The following LZTR1 variants were observed in gnomAD, a reference collection of about 807,000 sequenced individuals.
The protein encoded by LZTR1 is leucine zipper like post translational regulator 1.
Under a neutral mutation model 105.7 loss-of-function variants are expected in LZTR1, and 260 were observed. The ratio of observed to expected loss-of-function variants is 2.46; its 90% CI spans 2.22 to 2.72. The LOEUF is 2.72. Ranked by LOEUF, LZTR1 falls within the 30% of genes most tolerant of loss-of-function variation. The pLI is 0.00. For missense variants in LZTR1, 1,214 were observed against 1,166.9 expected, an observed-to-expected ratio of 1.04 and a Z score of -0.59; for synonymous variants, 490 against 476.4, an observed-to-expected ratio of 1.03 and a Z score of -0.37.
At chr22:20,989,817 C>G in intron 7 of LZTR1, 135 bp downstream of exon 7, 2 of 956,396 alleles carry the variant, frequency 2.1e-6, no homozygotes, top group Non-Finnish European at 3.2e-6. Flanking sequence ...GGGAGCCAGG[C>G]TGGGGGTCGA....
At chr22:20,991,981 C>T in intron 9 of LZTR1, 152 bp downstream of exon 9, 1 of 800,774 alleles carries the variant, frequency 1.2e-6, no homozygotes, top group Non-Finnish European at 1.9e-6. Flanking sequence ...GCCCTGGACA[C>T]CTGCCCCGGC....
At chr22:20,984,026 T>G (rs939107156) in intron 2 of LZTR1, among the ~76,000 whole-genome samples, 1 of 152,228 alleles carries the variant, frequency 6.6e-6, no homozygotes, top group Admixed American at 6.5e-5. Flanking sequence ...TTGCTATGTT[T>G]GGATTGTACC....
Position 20,994,452 on chromosome 22 carries a change from C to T in LZTR1, c.1616-106C>T, listed in dbSNP as rs75177448. ...CATCTGAGTCCCCCGAGGCCTTGTT[C>T]CTACCTAGTGGCCCCAGCCCACACT... On this transcript the variant is annotated intron_variant, in intron 14 of 20. Coordinates refer to ENST00000646124, the MANE Select transcript of LZTR1 (RefSeq NM_006767.4). 10,945 of 1,360,538 alleles carry T rather than the reference C, an allele frequency of 8.0e-3. 70 individuals carry two copies. Among genetic ancestry groups the T allele is most frequent in the Non-Finnish European group, 0.01 (10,017 of 984,014 alleles). The allele number at this position is 1,360,538 out of a possible 1,614,324, so 84.3% of individuals were successfully genotyped here. A position where few individuals can be genotyped will look rare whatever the true frequency, so the allele number is the denominator to read the frequency against.
At position 20,994,253 on chromosome 22, in the gene LZTR1, CA is replaced by C. The variant is rs1268674934; in HGVS notation, c.1602del (p.Lys534AsnfsTer22). 1 of 1,598,494 alleles carries C rather than the reference CA, an allele frequency of 6.3e-7. No homozygotes were observed. Among genetic ancestry groups the C allele is most frequent in the Admixed American group, 1.7e-5 (1 of 59,956 alleles). On this transcript the variant is annotated frameshift_variant, in exon 14 of 21. Coordinates refer to ENST00000646124, the MANE Select transcript of LZTR1 (RefSeq NM_006767.4). LOFTEE classifies it high-confidence loss of function. The part of the protein sequence containing the change: ...LMQFLYTDKI[K>X]YPRKGHVEDV... ...TGCAGTTCCTCTACACCGACAAGAT[CA>C]AATACCCACGGAAAGGTCCGCCTGG...
rs183476594 is a variant in LZTR1 at position 20,983,019 on chromosome 22, C to T, written c.201-8C>T. 1,944 of 1,613,988 alleles carry T rather than the reference C, an allele frequency of 1.2e-3. 9 individuals carry two copies. In the African/African-American group the frequency reaches 0.015, roughly 13 times the overall value. ...TGTCCTTACCGCCCTCCACTCCTTT[C>T]TTTCCAGGCGCAGCAAGCACACAGT... On this transcript the variant is annotated splice_region_variant and splice_polypyrimidine_tract_variant and intron_variant, in intron 1 of 20. Coordinates refer to ENST00000646124, the MANE Select transcript of LZTR1 (RefSeq NM_006767.4).
intron 18 of LZTR1, chr22:20,996,478 C>T (rs1307723455): frequency 5.0e-6 from 3 of 598,912 alleles, no homozygotes; most frequent in South Asian, 4.0e-5. Context: ...GGCCATGGAA[C>T]AGCGCTACAG....
chr22:20,991,773 T>A lies in LZTR1; in HGVS notation c.937T>A (p.Cys313Ser), dbSNP rs1265272984. ...ADNTLPNELH[C>S]YDVDFQTWEV... is the part of the protein sequence containing the mutation. ...CAACACGCTGCCCAACGAGCTGCACTGCTATGACGTGGACTTCCAGACCTG... is the reference window on the plus strand; with the variant it reads ...CAACACGCTGCCCAACGAGCTGCACAGCTATGACGTGGACTTCCAGACCTG... Residue 313 changes from cysteine to serine, a missense_variant, in exon 9 of 21, where the codon TGC becomes AGC. Cys to Ser is a moderately radical substitution (Grantham distance 112). Transcript: ENST00000646124. 6.4e-7 allele frequency: 1 copy of A among 1,555,130 alleles called. No homozygotes were observed. Among genetic ancestry groups the A allele is most frequent in the Non-Finnish European group, 8.7e-7 (1 of 1,149,200 alleles).
At chr22:20,996,135 T>A (rs1924838005) in intron 18 of LZTR1, 23 bp downstream of exon 18, 1 of 1,606,960 alleles carries the variant, frequency 6.2e-7, no homozygotes, top group Non-Finnish European at 8.5e-7. Context: ...CCCAGTGAAC[T>A]CCCAGGTCCC....
At position 20,993,659 on chromosome 22, in the gene LZTR1, C is replaced by G. The variant is rs770882185; in HGVS notation, c.1261-3C>G. ...ATCTAGTCTCACTGGGCCCCTCTTG[C>G]AGTTCTCCTGTTACCCTAAATGCAC... On this transcript the variant is annotated splice_region_variant and splice_polypyrimidine_tract_variant and intron_variant, in intron 11 of 20. Transcript: ENST00000646124. 1.2e-6 allele frequency: 2 copies of G among 1,612,512 alleles called. No homozygotes were observed. Among genetic ancestry groups the G allele is most frequent in the Non-Finnish European group, 1.7e-6 (2 of 1,179,250 alleles).
chr22:20,991,499 C>T (rs1924602832), intron 8 of LZTR1, 129 bp from the exon 9 acceptor site: 2 of 729,460 alleles, frequency 2.7e-6, no homozygotes, highest in East Asian at 2.7e-5. Context: ...CTAGGCCCTC[C>T]CTCTGGACCC....
chr22:20,993,995 G>T lies in LZTR1; in HGVS notation c.1425G>T (p.Thr475=), dbSNP rs140414846. The T allele has an allele frequency of 6.2e-7, 1 of 1,611,000 alleles. No individual in the cohort carries two copies. The highest frequency in any genetic ancestry group is 8.5e-7 in the Non-Finnish European group (1 of 1,179,482). ...ARSRWLRRKI[T]QARERLAQKL... is the part of the protein sequence containing the mutation. ...GCCGCTGGCTTCGCAGGAAGATCAC[G>T]CAGGCGCGGGAGAGGCTGGCCCAGG... Residue 475 remains threonine (T), a synonymous_variant, in exon 13 of 21, where the codon ACG becomes ACT. Transcript: ENST00000646124.
intron 1 of LZTR1, 49 bp from the exon 2 acceptor site, chr22:20,982,977 GC>G (rs1924252224): frequency 6.5e-7 from 1 of 1,528,060 alleles, no homozygotes; most frequent in Non-Finnish European, 9.1e-7. Flanking sequence ...TTCCTTGGGT[GC>G]CCCCCAGGAG....
rs772839774 is a variant in LZTR1 at position 20,991,724 on chromosome 22, C to T, written c.888C>T (p.Leu296=). The T allele has an allele frequency of 5.7e-6, 9 of 1,584,920 alleles. No homozygotes were observed. The South Asian group carries it at 6.9e-5, about 12-fold the overall frequency. ...CCATGGTGGCCTTTGACCGCCACCTCTATGTGTTTGGGGGTGCGGCCGACA... is the reference window on the plus strand; with the variant it reads ...CCATGGTGGCCTTTGACCGCCACCTTTATGTGTTTGGGGGTGCGGCCGACA... ...GHTMVAFDRH[L]YVFGGAADNT... The change falls in exon 9 of 21, where the codon CTC becomes CTT. Residue 296 remains leucine, a synonymous_variant. Coordinates refer to ENST00000646124, the MANE Select transcript of LZTR1 (RefSeq NM_006767.4).
At position 20,994,558 on chromosome 22, in the gene LZTR1, G is replaced by C; in HGVS notation, c.1616G>C (p.Gly539Ala). 6.2e-7 allele frequency: 1 copy of C among 1,608,924 alleles called. No homozygotes were observed. Among genetic ancestry groups the C allele is most frequent in the East Asian group, 2.2e-5 (1 of 44,862 alleles). Residue 539 changes from glycine (G) to alanine (A), a missense_variant and splice_region_variant, in exon 15 of 21, where the codon GGC becomes GCC. Coordinates refer to ENST00000646124, the MANE Select transcript of LZTR1 (RefSeq NM_006767.4). ...YTDKIKYPRK[G>A]HVEDVLLIMD... ...GAGATTCGGGGGCTCTGGGGCGCAG[G>C]CCATGTGGAGGATGTGCTGCTCATC...
rs12484759 is a variant in LZTR1 at position 20,996,658 on chromosome 22, A to G, written c.2220-38A>G. 208,285 of 1,581,486 alleles carry G rather than the reference A, an allele frequency of 0.13. 14,482 individuals are homozygous for G. The highest frequency in any genetic ancestry group is 0.15 in the South Asian group (13,458 of 90,084). ...TCCTTCCCTGGGAGGGTGCGGGCGG[A>G]CCAGCTTCCTTTAGTCAGCTCCTTA... On this transcript the variant is annotated intron_variant, in intron 18 of 20. Coordinates refer to ENST00000646124, the MANE Select transcript of LZTR1 (RefSeq NM_006767.4).
chr22:20,982,619 AGGGTCCCAGGGC>A (rs1468621658), intron 1 of LZTR1, 48 bp downstream of exon 1: 6 of 1,577,296 alleles, frequency 3.8e-6, no homozygotes, highest in Non-Finnish European at 5.2e-6. Flanking sequence ...GCGATCTGCG[AGGGTCCCAGGGC>A]GGGTCCAGGG....
chr22:20,995,719 C>A, intron 16 of LZTR1, 27 bp from the exon 17 acceptor site: 1 of 1,612,632 alleles, frequency 6.2e-7, no homozygotes, highest in Non-Finnish European at 8.5e-7. Context: ...CCAGGCTGTA[C>A]CTGCTCAGGG....
rs1414655830 is a variant in LZTR1 at position 20,995,017 on chromosome 22, G to A, written c.1933G>A (p.Val645Met). ...CCCTCGCACTCCCTTGGACCAGCCAGTGGACATTGGTAGGGAGCCCCGTTC... is the reference window on the plus strand; with the variant it reads ...CCCTCGCACTCCCTTGGACCAGCCAATGGACATTGGTAGGGAGCCCCGTTC... ...PPPRTPLDQP[V>M]DIGTSLIQDM... The change falls in exon 16 of 21, where the codon GTG becomes ATG. Residue 645 changes from valine (V) to methionine (M), a missense_variant. Coordinates refer to ENST00000646124, the MANE Select transcript of LZTR1 (RefSeq NM_006767.4). The A allele has an allele frequency of 6.2e-7, 1 of 1,609,066 alleles. No homozygotes were observed. The highest frequency in any genetic ancestry group is 8.5e-7 in the Non-Finnish European group (1 of 1,177,846).
intron 3 of LZTR1, 92 bp from the exon 4 acceptor site, chr22:20,987,412 A>G: frequency 8.5e-6 from 6 of 702,298 alleles, no homozygotes; most frequent in South Asian, 1.7e-5. Context: ...AAGAAAAAAG[A>G]AAGGCAGCAC....
Sources: allele counts gnomAD v4.1 joint callset (sites outside exome capture counted in the v4.1 genomes callset), GRCh38; gene constraint gnomAD v4.1.1; transcripts MANE v1.5; gene names NCBI Gene and HGNC (gene_info 2026-07-23, HGNC 2026-07-21).